SYNPO2: variants seen among roughly 807,000 people sequenced by gnomAD.
SYNPO2 encodes synaptopodin 2, also known as synaptopodin-2.
A neutral mutation model predicts 85.0 loss-of-function variants in SYNPO2; 56 were observed. The observed-to-expected ratio is 0.66, with a 90% CI of 0.53 to 0.82. The LOEUF is 0.82. SYNPO2 is among the 40% of genes least tolerant of loss of function. The pLI is 0.00. For missense variants in SYNPO2, 1,575 were observed against 1,534.2 expected, an observed-to-expected ratio of 1.03 and a Z score of -0.44; for synonymous variants, 602 against 591.1, an observed-to-expected ratio of 1.02 and a Z score of -0.27.
intron 4 of SYNPO2, chr4:119,034,245 A>T (rs1299158328): frequency 1.0e-6 from 1 of 985,368 alleles, no homozygotes; most frequent in Non-Finnish European, 1.2e-6. Context: ...CATTCTTAAC[A>T]TAGCATTTAA....
chr4:118,995,526 G>T (rs1184036851), intron 1 of SYNPO2, among the ~76,000 whole-genome samples: 1 of 152,114 alleles, frequency 6.6e-6, no homozygotes, highest in Non-Finnish European at 1.5e-5. Context: ...CTTGCTCCAA[G>T]TTACACAGTT....
intron 1 of SYNPO2, among the ~76,000 whole-genome samples, chr4:118,855,231 C>G (rs1028925446): frequency 6.6e-5 from 10 of 151,636 alleles, no homozygotes; most frequent in Non-Finnish European, 1.2e-4. Flanking sequence ...TTAAAAGAAT[C>G]TTTTGATAAA....
At chr4:118,967,750 A>G (rs1735371122) in intron 1 of SYNPO2, among the ~76,000 whole-genome samples, 1 of 152,202 alleles carries the variant, frequency 6.6e-6, no homozygotes, top group Admixed American at 6.5e-5. Flanking sequence ...TCCTTAAGAA[A>G]TCATAAGATA....
chr4:119,045,377 G>A (rs1041891072), intron 4 of SYNPO2, among the ~76,000 whole-genome samples: 3 of 152,106 alleles, frequency 2.0e-5, no homozygotes, highest in Admixed American at 2.0e-4. Flanking sequence ...CTTGAGCCCG[G>A]GAGGTTAAGG....
Position 119,032,016 on chromosome 4 carries a change from G to T in SYNPO2, c.3241G>T (p.Val1081Phe). The change falls in exon 4 of 5, where the codon GTC (valine) becomes TTC (phenylalanine). Residue 1081 changes from valine to phenylalanine, a missense_variant. This residue lies in a region of SYNPO2 where 1,508 missense variants were observed against 1,446.8 expected (regional missense o/e 1.04). Coordinates refer to ENST00000307142, the MANE Select transcript of SYNPO2 (RefSeq NM_133477.3). ...AAAGTTCTCAGCCAAGAAAAGTGGT[G>T]TCACAATTCAGGTGTGGAAACCATC... ...RPKFSAKKSG[V>F]TIQESGRSLS... The T allele has an allele frequency of 6.2e-7, 1 of 1,614,096 alleles. No individual in the cohort carries two copies. Among genetic ancestry groups the T allele is most frequent in the Non-Finnish European group, 8.5e-7 (1 of 1,179,994 alleles).
chr4:118,904,753 G>A (rs1333382798), intron 1 of SYNPO2, among the ~76,000 whole-genome samples: 1 of 152,150 alleles, frequency 6.6e-6, no homozygotes, highest in Non-Finnish European at 1.5e-5. Flanking sequence ...TCAAACAGTG[G>A]TGAGTTATTT....
At chr4:119,040,603 T>C (rs902452185) in intron 4 of SYNPO2, among the ~76,000 whole-genome samples, 3 of 152,196 alleles carry the variant, frequency 2.0e-5, no homozygotes, top group African/African-American at 4.8e-5. Context: ...AAAGTACCAA[T>C]GTTAAATAGA....
chr4:119,007,267 T>TAC (rs55685441), intron 1 of SYNPO2, among the ~76,000 whole-genome samples: 1,515 of 74,000 alleles, frequency 0.02, 93 homozygotes, highest in Non-Finnish European at 0.03. Flanking sequence ...TATATATATA[T>TAC]ATATATATGT....
intron 1 of SYNPO2, among the ~76,000 whole-genome samples, chr4:118,972,443 CA>C (rs1264327142): frequency 1.3e-5 from 2 of 149,678 alleles, no homozygotes; most frequent in African/African-American, 4.9e-5. Context: ...GACCCTGTCT[CA>C]AAAAAAAAGA....
intron 4 of SYNPO2, chr4:119,037,595 A>G (rs1288673406): frequency 2.0e-6 from 2 of 987,430 alleles, no homozygotes; most frequent in South Asian, 4.7e-5. Context: ...GAGTGGGGAC[A>G]GAAGCTGTGG....
chr4:118,984,006 AT>A (rs1736128335), intron 1 of SYNPO2, among the ~76,000 whole-genome samples: 1 of 152,166 alleles, frequency 6.6e-6, no homozygotes, highest in Non-Finnish European at 1.5e-5. Context: ...GGAGCAGAGG[AT>A]TATGAAATGT....
rs141723637 is a variant in SYNPO2 at position 118,923,204 on chromosome 4, C to T, written c.105+34063C>T. On this transcript the variant is annotated intron_variant, in intron 1 of 4. Coordinates refer to ENST00000307142, the MANE Select transcript of SYNPO2 (RefSeq NM_133477.3). ...GTGGTACATATACACCATGGAATAC[C>T]GTGTAGCCATAAAAAAGAACAAGAT... Among the ~76,000 whole-genome samples the T allele has an allele frequency of 1.2e-4, 19 of 152,018 alleles. No homozygotes were observed. The South Asian group carries it at 1.9e-3, about 15-fold the overall frequency.
rs965561644 is a variant in SYNPO2, at chr4:118,971,090, G to A, written c.106-52340G>A. Reference sequence around the variant, plus strand: ...AGTGAAAGGTCCCGTGAGCACCTTCGCTCCTTCTCTCCCTCCGTGTTAAAA... The same window carrying A: ...AGTGAAAGGTCCCGTGAGCACCTTCACTCCTTCTCTCCCTCCGTGTTAAAA... On this transcript the variant is annotated intron_variant, in intron 1 of 4. Coordinates refer to ENST00000307142, the MANE Select transcript of SYNPO2 (RefSeq NM_133477.3). 5.2e-4 allele frequency among the ~76,000 whole-genome samples: 79 copies of A among 152,224 alleles called. 1 individual carries two copies. The highest frequency in any genetic ancestry group is 1.9e-3 in the African/African-American group (78 of 41,542).
At chr4:119,044,682 C>G (rs1037059322) in intron 4 of SYNPO2, among the ~76,000 whole-genome samples, 4 of 151,944 alleles carry the variant, frequency 2.6e-5, no homozygotes, top group Non-Finnish European at 2.9e-5. Context: ...TGTTTTTGAC[C>G]AGGAAAACAT....
intron 1 of SYNPO2, among the ~76,000 whole-genome samples, chr4:118,930,635 C>T (rs542782725): frequency 4.6e-4 from 70 of 151,440 alleles, no homozygotes; most frequent in Admixed American, 1.2e-3. Context: ...ATAGCATATG[C>T]TGGGTGAGGT....
intron 1 of SYNPO2, among the ~76,000 whole-genome samples, chr4:118,950,880 A>C (rs1046950499): frequency 3.9e-5 from 6 of 152,234 alleles, no homozygotes; most frequent in African/African-American, 9.6e-5. Context: ...AAAAGGAGAA[A>C]GCTATCCAAA....
intron 1 of SYNPO2, among the ~76,000 whole-genome samples, chr4:118,968,961 CGAAAA>C (rs1209948978): frequency 6.6e-6 from 1 of 151,998 alleles, no homozygotes; most frequent in Non-Finnish European, 1.5e-5. Flanking sequence ...AAAACAAAAA[CGAAAA>C]CAAAACAGAA....
chr4:118,890,174 T>A (rs1578521882), intron 1 of SYNPO2, among the ~76,000 whole-genome samples: 2 of 152,206 alleles, frequency 1.3e-5, no homozygotes, highest in Middle Eastern at 6.8e-3. Flanking sequence ...TACGTTTTTT[T>A]TTTTTTAGTG....
chr4:118,882,438 T>A (rs1366077963), intron 1 of SYNPO2, among the ~76,000 whole-genome samples: 1 of 152,270 alleles, frequency 6.6e-6, no homozygotes, highest in Non-Finnish European at 1.5e-5. Flanking sequence ...ATGCGATATT[T>A]ATTAAAAAAC....
Sources: allele counts gnomAD v4.1 joint callset (sites outside exome capture counted in the v4.1 genomes callset), GRCh38; gene constraint gnomAD v4.1.1; regional missense constraint gnomAD v4.1.1; transcripts MANE v1.5; gene names NCBI Gene and HGNC (gene_info 2026-07-23, HGNC 2026-07-21).